Variants in CACNA2D3 observed in about 807,000 individuals in gnomAD.
The protein encoded by CACNA2D3 is voltage-dependent calcium channel subunit alpha-2/delta-3.
A neutral mutation model predicts 160.6 loss-of-function variants in CACNA2D3; 60 were observed. That is an observed-to-expected ratio of 0.37 (90% CI 0.30 to 0.46). The LOEUF is 0.46. CACNA2D3 is among the 20% of genes least tolerant of loss of function. CACNA2D3 has a pLI of 1.00. For missense variants in CACNA2D3, 1,205 were observed against 1,365.0 expected, an observed-to-expected ratio of 0.88 and a Z score of 1.85; for synonymous variants, 558 against 492.9, an observed-to-expected ratio of 1.13 and a Z score of -1.75.
chr3:54,418,619 T>G (rs1350255407), intron 4 of CACNA2D3, among the ~76,000 whole-genome samples: 1 of 152,230 alleles, frequency 6.6e-6, no homozygotes, highest in African/African-American at 2.4e-5. Flanking sequence ...TGAGGAAATG[T>G]CTTCTGAAAA....
At chr3:54,307,247 T>C (rs559801485) in intron 2 of CACNA2D3, among the ~76,000 whole-genome samples, 4 of 152,322 alleles carry the variant, frequency 2.6e-5, no homozygotes, top group Middle Eastern at 3.4e-3. Context: ...ATTCTGAAGT[T>C]GGTGACACTG....
At chr3:54,328,402 C>T (rs913360362) in intron 3 of CACNA2D3, among the ~76,000 whole-genome samples, 2 of 152,178 alleles carry the variant, frequency 1.3e-5, no homozygotes, top group African/African-American at 4.8e-5. Context: ...CTGCCTCAGC[C>T]TCCTGAGTAG....
At chr3:54,809,630 C>G (rs1316244301) in intron 13 of CACNA2D3, among the ~76,000 whole-genome samples, 1 of 151,384 alleles carries the variant, frequency 6.6e-6, no homozygotes, top group Non-Finnish European at 1.5e-5. Flanking sequence ...TTCCTTCTTT[C>G]TTTCTTTCTT....
At chr3:54,548,836 C>T (rs915341183) in intron 5 of CACNA2D3, among the ~76,000 whole-genome samples, 2 of 152,220 alleles carry the variant, frequency 1.3e-5, no homozygotes, top group East Asian at 1.9e-4. Flanking sequence ...CTGTGTTGGA[C>T]GTGGCCCTGC....
At chr3:54,631,826 T>C (rs1220813722) in intron 10 of CACNA2D3, among the ~76,000 whole-genome samples, 1 of 152,232 alleles carries the variant, frequency 6.6e-6, no homozygotes, top group Non-Finnish European at 1.5e-5. Flanking sequence ...ATCTACCTTG[T>C]CATGTGACAA....
At position 54,881,002 on chromosome 3, in the gene CACNA2D3, A is replaced by G. The variant is rs929572552; in HGVS notation, c.1912+139A>G. 6.1e-5 allele frequency: 45 copies of G among 735,320 alleles called. No homozygotes were observed. The South Asian group carries it at 6.2e-4, about 10-fold the overall frequency. The allele number at this position is 735,320 out of a possible 1,614,324, so 45.5% of individuals were successfully genotyped here. A position where few individuals can be genotyped will look rare whatever the true frequency, so the allele number is the denominator to read the frequency against. ...GGACATTCCACTCAAACGAATGCCT[A>G]CTTGATAATTCTTAATACCTTTCTT... On this transcript the variant is annotated intron_variant, in intron 21 of 37. Transcript: ENST00000474759.
chr3:54,289,503 A>G (rs1462616847), intron 2 of CACNA2D3, among the ~76,000 whole-genome samples: 3 of 151,276 alleles, frequency 2.0e-5, no homozygotes, highest in Admixed American at 6.6e-5. Context: ...TATAGATTCA[A>G]TGCCATCCCC....
At chr3:54,650,427 G>T (rs538502954) in intron 11 of CACNA2D3, among the ~76,000 whole-genome samples, 1 of 152,084 alleles carries the variant, frequency 6.6e-6, no homozygotes, top group East Asian at 1.9e-4. Flanking sequence ...AGTGGTGCAT[G>T]TTCTTGACTC....
At chr3:54,169,914 G>C (rs141746593) in intron 2 of CACNA2D3, among the ~76,000 whole-genome samples, 1 of 152,122 alleles carries the variant, frequency 6.6e-6, no homozygotes, top group Non-Finnish European at 1.5e-5. Flanking sequence ...ATGGCCGAGC[G>C]TGGTGGCTCA....
rs1172362668 is a variant in CACNA2D3 at position 54,134,081 on chromosome 3, A to AT, written c.204+10495dup. Among the ~76,000 whole-genome samples the AT allele has an allele frequency of 5.9e-5, 9 of 151,964 alleles. No homozygotes were observed. The East Asian group carries it at 9.7e-4, about 16-fold the overall frequency. ...CTTTCCTAGATATTTATTGGTGCTTATTTTTTTTCCTTTTGATAAAGCCAC... is the reference window on the plus strand; with the variant it reads ...CTTTCCTAGATATTTATTGGTGCTTATTTTTTTTTCCTTTTGATAAAGCCAC... On this transcript the variant is annotated intron_variant, in intron 2 of 37. Coordinates refer to ENST00000474759, the MANE Select transcript of CACNA2D3 (RefSeq NM_018398.3).
chr3:54,359,566 C>T (rs1181386111), intron 3 of CACNA2D3, among the ~76,000 whole-genome samples: 2 of 152,114 alleles, frequency 1.3e-5, no homozygotes, highest in Non-Finnish European at 2.9e-5. Flanking sequence ...GGGAGTTCTC[C>T]AAGATATTTC....
intron 5 of CACNA2D3, among the ~76,000 whole-genome samples, chr3:54,528,579 T>C (rs1701760946): frequency 6.6e-6 from 1 of 152,140 alleles, no homozygotes; most frequent in South Asian, 2.1e-4. Flanking sequence ...AAACCTTGCT[T>C]ATTTCTTTTG....
chr3:54,748,279 T>C (rs999552998), intron 11 of CACNA2D3, among the ~76,000 whole-genome samples: 1 of 152,240 alleles, frequency 6.6e-6, no homozygotes, highest in Non-Finnish European at 1.5e-5. Flanking sequence ...TCATTATCTT[T>C]ACAGACTATC....
intron 2 of CACNA2D3, among the ~76,000 whole-genome samples, chr3:54,252,719 C>G (rs934940660): frequency 2.0e-5 from 3 of 152,146 alleles, no homozygotes; most frequent in Non-Finnish European, 4.4e-5. Flanking sequence ...CCCTGTGTCC[C>G]CCCAGCTTGT....
chr3:54,213,775 C>T (rs554309732), intron 2 of CACNA2D3, among the ~76,000 whole-genome samples: 3 of 152,224 alleles, frequency 2.0e-5, no homozygotes, highest in East Asian at 3.9e-4. Flanking sequence ...TGCAGAACAA[C>T]AGGAAGATGG....
At chr3:54,520,479 C>G (rs936534034) in intron 5 of CACNA2D3, among the ~76,000 whole-genome samples, 1 of 152,174 alleles carries the variant, frequency 6.6e-6, no homozygotes, top group Non-Finnish European at 1.5e-5. Context: ...AAGGAGTAAC[C>G]TTTTAGCTGT....
chr3:54,704,036 T>C (rs1174539604), intron 11 of CACNA2D3, among the ~76,000 whole-genome samples: 2 of 152,242 alleles, frequency 1.3e-5, no homozygotes, highest in African/African-American at 2.4e-5. Flanking sequence ...GTGGTTTTTC[T>C]TGTGCAAACA....
chr3:54,349,143 T>C (rs1368735591), intron 3 of CACNA2D3, among the ~76,000 whole-genome samples: 1 of 152,114 alleles, frequency 6.6e-6, no homozygotes, highest in Non-Finnish European at 1.5e-5. Context: ...GAAAGGCATT[T>C]TGGGGACGGG....
At chr3:54,198,211 CA>C (rs1701115987) in intron 2 of CACNA2D3, among the ~76,000 whole-genome samples, 1 of 152,224 alleles carries the variant, frequency 6.6e-6, no homozygotes, top group African/African-American at 2.4e-5. Flanking sequence ...AAAGAGCCCC[CA>C]TCCTCTAATA....
Sources: allele counts gnomAD v4.1 joint callset (sites outside exome capture counted in the v4.1 genomes callset), GRCh38; gene constraint gnomAD v4.1.1; transcripts MANE v1.5; gene names NCBI Gene and HGNC (gene_info 2026-07-23, HGNC 2026-07-21).